Variants in CPVL observed in about 807,000 individuals in gnomAD.
The protein encoded by CPVL is carboxypeptidase vitellogenic like, also known as probable serine carboxypeptidase CPVL.
CPVL carries 51 observed loss-of-function variants against 63.7 expected under a neutral mutation model. The ratio of observed to expected loss-of-function variants is 0.80; its 90% confidence interval spans 0.64 to 1.01. CPVL has a LOEUF of 1.01. Ranked by LOEUF, CPVL falls within the 50% of genes least tolerant of loss-of-function variation. The pLI is 0.00. For synonymous variants in CPVL, 195 were observed against 206.0 expected (o/e 0.95, Z 0.46); for missense variants, 530 against 573.1 (o/e 0.92, Z 0.77).
chr7:29,130,890 A>T (rs1790620490), intron 1 of CPVL, among the ~76,000 whole-genome samples: 1 of 152,266 alleles, frequency 6.6e-6, no homozygotes, highest in African/African-American at 2.4e-5. Flanking sequence ...TCACAGGTCC[A>T]CAGATTGCTT....
intron 11 of CPVL, 128 bp downstream of exon 11, chr7:29,063,933 C>A: frequency 1.6e-6 from 1 of 623,194 alleles, no homozygotes; most frequent in Non-Finnish European, 2.8e-6. Flanking sequence ...AAGAAAGGGG[C>A]TGTTATTTAT....
intron 7 of CPVL, among the ~76,000 whole-genome samples, chr7:29,078,943 A>T (rs1331870490): frequency 6.6e-6 from 1 of 152,234 alleles, no homozygotes; most frequent in Non-Finnish European, 1.5e-5. Flanking sequence ...CTGAAAATAG[A>T]GATTTGTCAT....
At chr7:29,136,770 T>C (rs910683902) in intron 1 of CPVL, among the ~76,000 whole-genome samples, 8 of 152,148 alleles carry the variant, frequency 5.3e-5, no homozygotes, top group African/African-American at 1.9e-4. Context: ...AAAACTAAAC[T>C]TATTATCTCC....
chr7:29,123,710 T>A, intron 1 of CPVL, among the ~76,000 whole-genome samples: 1 of 36,734 alleles, frequency 2.7e-5, no homozygotes, highest in South Asian at 1.2e-3. Flanking sequence ...GGTTTTTGTT[T>A]TTTTTTTTTC....
At chr7:29,183,465 C>T (rs906906597) in intron 4 of CPVL, among the ~76,000 whole-genome samples, 2 of 151,612 alleles carry the variant, frequency 1.3e-5, no homozygotes, top group South Asian at 2.1e-4. Context: ...CAACTTTTGT[C>T]TCTTGGGTTC....
At chr7:29,136,383 C>A (rs780862241) in intron 1 of CPVL, among the ~76,000 whole-genome samples, 11 of 152,050 alleles carry the variant, frequency 7.2e-5, no homozygotes, top group African/African-American at 9.7e-5. Flanking sequence ...AGCATATTTA[C>A]ATAATAAGGT....
intron 6 of CPVL, 53 bp downstream of exon 6, chr7:29,092,570 G>T: frequency 3.2e-6 from 4 of 1,232,626 alleles, no homozygotes; most frequent in Non-Finnish European, 4.8e-6. Flanking sequence ...TTCCTATTGA[G>T]ATAGAAAAAT....
chr7:29,104,630 C>A (rs772477968), intron 3 of CPVL, among the ~76,000 whole-genome samples: 5 of 152,114 alleles, frequency 3.3e-5, no homozygotes, highest in Admixed American at 6.5e-5. Context: ...CAAGTTTTGG[C>A]TTGTCTCATT....
At chr7:29,111,322 G>A (rs144271325) in intron 3 of CPVL, among the ~76,000 whole-genome samples, 21 of 152,278 alleles carry the variant, frequency 1.4e-4, no homozygotes, top group African/African-American at 5.1e-4. Context: ...GCCCTGTTAG[G>A]CAGACCCCTA....
intron 5 of CPVL, among the ~76,000 whole-genome samples, chr7:29,171,117 G>A (rs1796549914): frequency 1.3e-5 from 2 of 152,150 alleles, no homozygotes; most frequent in African/African-American, 4.8e-5. Context: ...GGAAGGTGCT[G>A]GACATAATGA....
upstream of CPVL, among the ~76,000 whole-genome samples, chr7:29,148,205 T>C (rs77649331): frequency 1.7e-3 from 257 of 152,314 alleles, 2 homozygotes; most frequent in East Asian, 0.022. Flanking sequence ...TTCTAAAGTG[T>C]GGGCCCTGGA....
rs60558791 is a variant in CPVL at position 29,034,853 on chromosome 7, GAA to G, written c.1138-4096_1138-4095del. Among the ~76,000 whole-genome samples, 182 of 123,940 alleles carry G rather than the reference GAA, an allele frequency of 1.5e-3. 1 individual carries two copies. Among genetic ancestry groups the G allele is most frequent in the African/African-American group, 4.4e-3 (147 of 33,714 alleles). The allele number at this position is 123,940 out of a possible 152,430, so 81.3% of individuals were successfully genotyped here. A position where few individuals can be genotyped will look rare whatever the true frequency, so the allele number is the denominator to read the frequency against. Reference sequence around the variant, plus strand: ...CCCAGCCTAGAATGCTTTTATAATGGAAAAAAAAAAAAAAAAGAACAATAATG... The same window carrying G: ...CCCAGCCTAGAATGCTTTTATAATGGAAAAAAAAAAAAAAGAACAATAATG... On this transcript the variant is annotated intron_variant, in intron 11 of 12. Transcript: ENST00000265394.
At chr7:29,088,094 C>A (rs981123597) in intron 6 of CPVL, among the ~76,000 whole-genome samples, 5 of 152,188 alleles carry the variant, frequency 3.3e-5, no homozygotes, top group African/African-American at 1.2e-4. Context: ...CTCAATTAAG[C>A]CTTTGGCTTT....
chr7:29,000,208 T>C, intron 12 of CPVL, among the ~76,000 whole-genome samples: 1 of 152,128 alleles, frequency 6.6e-6, no homozygotes. Context: ...TCCCTGGAAC[T>C]AGAAACAAAG....
intron 12 of CPVL, among the ~76,000 whole-genome samples, chr7:29,015,249 C>A (rs1051840336): frequency 3.9e-5 from 6 of 152,238 alleles, no homozygotes; most frequent in African/African-American, 1.4e-4. Flanking sequence ...TTCTGTCCAC[C>A]ACCACCACAC....
In CPVL at chr7:29,074,538, T is replaced by C. The variant is rs572573033; in HGVS notation, c.610-2115A>G. Among the ~76,000 whole-genome samples the C allele has an allele frequency of 3.9e-5, 6 of 152,244 alleles. No homozygotes were observed. In the East Asian group the frequency reaches 1.2e-3, roughly 29 times the overall value. Reference sequence around the variant, plus strand: ...TTGGGCAATTCTTCTGTCAAAGGCATTGACATGGTTTGCCTCTGTGTCCCC... The same window carrying C: ...TTGGGCAATTCTTCTGTCAAAGGCACTGACATGGTTTGCCTCTGTGTCCCC... On this transcript the variant is annotated intron_variant, in intron 7 of 12. Transcript: ENST00000265394.
Position 29,016,149 on chromosome 7 carries a change from G to A in CPVL, c.1320+14428C>T, listed in dbSNP as rs1401549133. 5.3e-5 allele frequency among the ~76,000 whole-genome samples: 8 copies of A among 152,134 alleles called. No homozygotes were observed. In the South Asian group the frequency reaches 1.0e-3, roughly 20 times the overall value. On this transcript the variant is annotated intron_variant, in intron 12 of 12. Coordinates refer to ENST00000265394, the MANE Select transcript of CPVL (RefSeq NM_031311.5). ...GTGGATCACCTGAGGTCACGAGTTCGAGACCAGCTTGGCCAATATGGTGAA... is the reference window on the plus strand; with the variant it reads ...GTGGATCACCTGAGGTCACGAGTTCAAGACCAGCTTGGCCAATATGGTGAA...
chr7:29,110,863 G>A (rs1355585659), intron 3 of CPVL, among the ~76,000 whole-genome samples: 2 of 152,214 alleles, frequency 1.3e-5, no homozygotes, highest in Non-Finnish European at 1.5e-5. Context: ...AAGAGTCAGA[G>A]AAGGAAACAT....
intron 5 of CPVL, among the ~76,000 whole-genome samples, chr7:29,152,002 T>C (rs991558164): frequency 3.3e-5 from 5 of 152,252 alleles, no homozygotes; most frequent in African/African-American, 7.2e-5. Flanking sequence ...GTTTAGGTTT[T>C]ATTTTATTTT....
Sources: gnomAD v4.1 joint callset for allele counts (sites outside exome capture counted in the v4.1 genomes callset) on GRCh38, gnomAD v4.1.1 for gene constraint, MANE v1.5 for transcripts, NCBI Gene and HGNC (gene_info 2026-07-23, HGNC 2026-07-21) for gene names.